The following NCOA2 variants were observed in gnomAD, a reference collection of about 807,000 sequenced individuals.
The protein encoded by NCOA2 is class E basic helix-loop-helix protein 75.
A neutral mutation model predicts 145.1 loss-of-function variants in NCOA2; 21 were observed. The observed-to-expected ratio is 0.14, with a 90% CI of 0.10 to 0.21. NCOA2 has a LOEUF of 0.21. Among genes scored for constraint, NCOA2 ranks in the 10% least tolerant of loss-of-function variants. The probability of loss-of-function intolerance (pLI) is 1.00; values close to 1 mark genes in which losing one functional copy is unlikely to be tolerated. For missense variants in NCOA2, 1,472 were observed against 1,837.6 expected (o/e 0.80, Z 3.64); for synonymous variants, 619 against 637.5 (o/e 0.97, Z 0.44).
chr8:70,314,758 T>A (rs142832266), intron 1 of NCOA2, among the ~76,000 whole-genome samples: 7 of 152,368 alleles, frequency 4.6e-5, no homozygotes, highest in Middle Eastern at 3.4e-3. Context: ...ATTGTATGTG[T>A]GAACAAGACT....
chr8:70,407,555 G>A (rs908434373), upstream of NCOA2, among the ~76,000 whole-genome samples: 12 of 151,836 alleles, frequency 7.9e-5, no homozygotes, highest in African/African-American at 2.4e-4. Flanking sequence ...TTGGGAGGCC[G>A]AGGCAGGCAG....
At chr8:70,454,722 G>A in the NCOA2 span, among the ~76,000 whole-genome samples, 7 of 152,104 alleles carry the variant, frequency 4.6e-5, no homozygotes, top group African/African-American at 1.7e-4. Flanking sequence ...ACCATTCCAC[G>A]AGACAGGATA....
intron 7 of NCOA2, among the ~76,000 whole-genome samples, chr8:70,164,301 T>C (rs903557793): frequency 3.9e-5 from 6 of 152,336 alleles, no homozygotes; most frequent in Admixed American, 1.3e-4. Context: ...TATTTATCTT[T>C]GTAACATGCA....
intron 2 of NCOA2, among the ~76,000 whole-genome samples, chr8:70,239,998 G>T (rs1821988692): frequency 6.6e-6 from 1 of 152,110 alleles, no homozygotes; most frequent in Non-Finnish European, 1.5e-5. Context: ...ATAATCTCTT[G>T]TGCCCAATCC....
intron 1 of NCOA2, among the ~76,000 whole-genome samples, chr8:70,401,582 T>C (rs1563850264): frequency 2.0e-5 from 3 of 151,856 alleles, no homozygotes. Flanking sequence ...AATGCCGAAG[T>C]TTCAAGTACA....
the NCOA2 span, among the ~76,000 whole-genome samples, chr8:70,452,804 A>T: frequency 7.2e-5 from 11 of 152,154 alleles, no homozygotes; most frequent in Admixed American, 3.9e-4. Context: ...TCCTGGTTTG[A>T]ACAATTAATT....
chr8:70,200,320 C>A (rs1399747679), intron 4 of NCOA2, among the ~76,000 whole-genome samples: 1 of 152,004 alleles, frequency 6.6e-6, no homozygotes, highest in Non-Finnish European at 1.5e-5. Flanking sequence ...TATTGGAGTT[C>A]AATATTATGG....
At chr8:70,198,463 G>A (rs777060693) in intron 4 of NCOA2, among the ~76,000 whole-genome samples, 7 of 152,128 alleles carry the variant, frequency 4.6e-5, no homozygotes, top group African/African-American at 7.2e-5. Context: ...ATTTTCCTTC[G>A]TCCTGCAGGC....
chr8:70,222,296 T>C (rs1483179071), intron 2 of NCOA2, among the ~76,000 whole-genome samples: 2 of 152,192 alleles, frequency 1.3e-5, no homozygotes, highest in African/African-American at 4.8e-5. Flanking sequence ...TATTAGGATA[T>C]GATTTTTCAA....
chr8:70,152,951 G>A (rs1811906391), intron 11 of NCOA2, among the ~76,000 whole-genome samples: 1 of 152,172 alleles, frequency 6.6e-6, no homozygotes, highest in Non-Finnish European at 1.5e-5. Flanking sequence ...TCTTCAATAA[G>A]TTTGTACAGC....
At chr8:70,234,571 T>TA (rs1441786205) in intron 2 of NCOA2, among the ~76,000 whole-genome samples, 1 of 152,200 alleles carries the variant, frequency 6.6e-6, no homozygotes, top group Non-Finnish European at 1.5e-5. Flanking sequence ...TACTGGATAT[T>TA]AAGCAGTATA....
Position 70,159,987 on chromosome 8 carries a change from C to T in NCOA2, c.977-335G>A, listed in dbSNP as rs73687613. ...CTCAAACAAGCTTTATAATGATTTG[C>T]TTAAAATGGTAGAAAACAACACAAT... On this transcript the variant is annotated intron_variant, in intron 9 of 22. Coordinates refer to ENST00000452400, the MANE Select transcript of NCOA2 (RefSeq NM_006540.4). Among the ~76,000 whole-genome samples, 980 of 152,228 alleles carry T rather than the reference C, an allele frequency of 6.4e-3. 10 individuals are homozygous for T. Among genetic ancestry groups the T allele is most frequent in the Middle Eastern group, 0.027 (8 of 294 alleles).
At chr8:70,320,104 A>C (rs1293880059) in intron 1 of NCOA2, among the ~76,000 whole-genome samples, 1 of 152,196 alleles carries the variant, frequency 6.6e-6, no homozygotes, top group African/African-American at 2.4e-5. Context: ...AGTAACGTGA[A>C]ATCTTAAATA....
chr8:70,235,322 T>C (rs969362525), intron 2 of NCOA2, among the ~76,000 whole-genome samples: 2 of 152,158 alleles, frequency 1.3e-5, no homozygotes, highest in African/African-American at 2.4e-5. Flanking sequence ...ATGGTTTCTA[T>C]TTGGGATGAT....
intron 1 of NCOA2, among the ~76,000 whole-genome samples, chr8:70,395,496 C>T (rs1813571143): frequency 6.6e-6 from 1 of 152,176 alleles, no homozygotes. Context: ...CATATACTCC[C>T]GACATTCAAT....
chr8:70,248,565 G>A (rs771398710), intron 2 of NCOA2, among the ~76,000 whole-genome samples: 106 of 152,078 alleles, frequency 7.0e-4, no homozygotes, highest in Non-Finnish European at 8.5e-4. Flanking sequence ...ATTGCTTCCA[G>A]GAGCTCCCCC....
intron 1 of NCOA2, among the ~76,000 whole-genome samples, chr8:70,401,217 C>G (rs1814212201): frequency 6.6e-6 from 1 of 152,140 alleles, no homozygotes; most frequent in South Asian, 2.1e-4. Context: ...GACCTCTGTT[C>G]CTAAAAGTCA....
intron 2 of NCOA2, among the ~76,000 whole-genome samples, chr8:70,222,095 C>T (rs1820189372): frequency 2.0e-5 from 3 of 151,950 alleles, no homozygotes; most frequent in Non-Finnish European, 4.4e-5. Flanking sequence ...GATTAATGTA[C>T]AGAATCAAAA....
intron 1 of NCOA2, among the ~76,000 whole-genome samples, chr8:70,336,141 C>CT (rs1720157310): frequency 1.3e-5 from 2 of 152,240 alleles, no homozygotes; most frequent in African/African-American, 4.8e-5. Context: ...TTTTATGGAA[C>CT]TGGCAGCATG....
Sources: allele counts gnomAD v4.1 joint callset (sites outside exome capture counted in the v4.1 genomes callset), GRCh38; gene constraint gnomAD v4.1.1; transcripts MANE v1.5; gene names NCBI Gene and HGNC (gene_info 2026-07-23, HGNC 2026-07-21).